Variants in RTN4RL1 observed in about 807,000 individuals in gnomAD.
RTN4RL1 encodes the protein reticulon-4 receptor-like 1.
A neutral mutation model predicts 25.6 loss-of-function variants in RTN4RL1; 7 were observed. The observed-to-expected ratio is 0.27, with a 90% confidence interval of 0.16 to 0.51. The LOEUF (loss-of-function observed/expected upper bound fraction) is 0.51. Ranked by LOEUF, RTN4RL1 falls within the 20% of genes least tolerant of loss-of-function variation. The pLI is 0.97. For synonymous variants in RTN4RL1, 297 were observed against 288.2 expected, an observed-to-expected ratio of 1.03 and a Z score of -0.31; for missense variants, 500 against 615.6, an observed-to-expected ratio of 0.81 and a Z score of 1.99.
chr17:1,943,813 C>T (rs529743175), intron 1 of RTN4RL1, among the ~76,000 whole-genome samples: 4 of 152,292 alleles, frequency 2.6e-5, no homozygotes, highest in Non-Finnish European at 2.9e-5. Flanking sequence ...GGGCTTCCCT[C>T]GTCCTATTGC....
intron 1 of RTN4RL1, among the ~76,000 whole-genome samples, chr17:2,023,190 T>A (rs1376514421): frequency 1.3e-5 from 2 of 152,196 alleles, no homozygotes; most frequent in African/African-American, 2.4e-5. Flanking sequence ...CTGGGAAGCC[T>A]TCTCGACCGG....
At chr17:1,999,751 C>T (rs2066948401) in intron 1 of RTN4RL1, among the ~76,000 whole-genome samples, 3 of 152,222 alleles carry the variant, frequency 2.0e-5, no homozygotes, top group African/African-American at 4.8e-5. Flanking sequence ...GCTGCAGCCT[C>T]CAGCCCTGCT....
At chr17:2,018,624 G>C (rs2067158423) in intron 1 of RTN4RL1, among the ~76,000 whole-genome samples, 1 of 152,220 alleles carries the variant, frequency 6.6e-6, no homozygotes, top group African/African-American at 2.4e-5. Flanking sequence ...CAGAGGTCCA[G>C]AGGGCAAGGG....
In RTN4RL1 at chr17:1,936,945, G is replaced by A. The variant is rs759805233; in HGVS notation, c.877C>T (p.Leu293=). The A allele has an allele frequency of 7.5e-6, 12 of 1,609,384 alleles. No homozygotes were observed. In the South Asian group the frequency reaches 1.1e-4, roughly 15 times the overall value. ...VSPGLRHGQD[L]KLLRAEDFRN... is the part of the protein sequence containing the mutation. ...AAGTCCTCGGCCCTCAGCAGCTTCA[G>A]GTCCTGGCCGTGCCGCAGCCCAGGG... is the stretch of plus-strand genomic sequence containing the variant. Residue 293 remains leucine, a synonymous_variant, in exon 2 of 2, where the codon CTG becomes TTG. Transcript: ENST00000331238.
In RTN4RL1 at chr17:1,994,723, C is replaced by A. The variant is rs896762724; in HGVS notation, c.13+30130G>T. 2.6e-5 allele frequency among the ~76,000 whole-genome samples: 4 copies of A among 152,130 alleles called. No homozygotes were observed. Among genetic ancestry groups the A allele is most frequent in the African/African-American group, 9.7e-5 (4 of 41,428 alleles). ...GGCTCTGCTGCCTCCCACCTCCAAG[C>A]CTCAGTTTCCTTCTCTAGGAAAGGG... On this transcript the variant is annotated intron_variant, in intron 1 of 1. Coordinates refer to ENST00000331238, the MANE Select transcript of RTN4RL1 (RefSeq NM_178568.4). This position sits in a 1 kb window ranked among gnomAD's most constrained non-coding sequence, Gnocchi z 4.3.
chr17:1,950,918 CTCTT>C (rs915822342), intron 1 of RTN4RL1, among the ~76,000 whole-genome samples: 9 of 144,678 alleles, frequency 6.2e-5, no homozygotes, highest in African/African-American at 1.0e-4. Context: ...CTCTCTGTCT[CTCTT>C]TCTCTGTGTG....
At chr17:2,013,369 G>C (rs1456778883) in intron 1 of RTN4RL1, among the ~76,000 whole-genome samples, 1 of 152,216 alleles carries the variant, frequency 6.6e-6, no homozygotes, top group African/African-American at 2.4e-5. Flanking sequence ...CACAGCCCTG[G>C]CTTTGACCAT....
At chr17:1,940,303 G>T (rs1915414851) in intron 1 of RTN4RL1, among the ~76,000 whole-genome samples, 1 of 152,198 alleles carries the variant, frequency 6.6e-6, no homozygotes, top group Non-Finnish European at 1.5e-5. Context: ...CTTCAGCGGT[G>T]GCGGTGGCAC....
At chr17:1,951,061 C>G (rs373031103) in intron 1 of RTN4RL1, among the ~76,000 whole-genome samples, 6 of 151,614 alleles carry the variant, frequency 4.0e-5, no homozygotes, top group East Asian at 2.0e-4. Context: ...GTCAGGAGAT[C>G]GAGACCATCC....
chr17:1,972,786 A>C (rs1349300784), intron 1 of RTN4RL1, among the ~76,000 whole-genome samples: 1 of 151,892 alleles, frequency 6.6e-6, no homozygotes, highest in Non-Finnish European at 1.5e-5. Context: ...CTGTTCACAG[A>C]CTCCTCCACA....
chr17:1,967,886 T>C (rs981905553), intron 1 of RTN4RL1, among the ~76,000 whole-genome samples: 4 of 152,060 alleles, frequency 2.6e-5, no homozygotes, highest in African/African-American at 7.2e-5. Flanking sequence ...GGTGATCCAC[T>C]CGCCTCAGCC....
At chr17:1,940,273 C>T (rs970380516) in intron 1 of RTN4RL1, among the ~76,000 whole-genome samples, 5 of 152,196 alleles carry the variant, frequency 3.3e-5, no homozygotes, top group Admixed American at 6.5e-5. Flanking sequence ...GGCTCGGTTG[C>T]GAATTCAGAG....
At chr17:1,966,847 G>C (rs184807623) in intron 1 of RTN4RL1, among the ~76,000 whole-genome samples, 31 of 152,260 alleles carry the variant, frequency 2.0e-4, no homozygotes, top group Admixed American at 1.9e-3. Flanking sequence ...TCCACTGAGG[G>C]CTTCCCAGCT....
chr17:1,937,636 C>T lies in RTN4RL1; in HGVS notation c.186G>A (p.Gln62=), dbSNP rs1915339480. ...GCTGGAGGAGGCCGATGCGGTTGTTCTGCAGGAAGACGCGCTCGCTGTCCA... is the reference window on the plus strand; with the variant it reads ...GCTGGAGGAGGCCGATGCGGTTGTTTTGCAGGAAGACGCGCTCGCTGTCCA... ...IPVDSERVFL[Q]NNRIGLLQPG... is the part of the protein sequence containing the mutation. Residue 62 remains glutamine, a synonymous_variant, in exon 2 of 2, where the codon CAG becomes CAA. Transcript: ENST00000331238. The T allele has an allele frequency of 1.9e-6, 3 of 1,613,836 alleles. No homozygotes were observed. Among genetic ancestry groups the T allele is most frequent in the Non-Finnish European group, 2.5e-6 (3 of 1,179,864 alleles).
chr17:2,025,037 G>T lies in RTN4RL1; in HGVS notation c.-172C>A. 1.8e-6 allele frequency: 1 copy of T among 549,558 alleles called. No homozygotes were observed. Among genetic ancestry groups the T allele is most frequent in the Non-Finnish European group, 2.9e-6 (1 of 340,060 alleles). 34.0% of individuals were successfully genotyped at this position (549,558 alleles called of 1,614,324 possible). On this transcript the variant is annotated 5_prime_UTR_variant, in exon 1 of 2. The change creates a new upstream start codon in the 5' untranslated region. Transcript: ENST00000331238. This position sits in a 1 kb window ranked among gnomAD's most constrained non-coding sequence, Gnocchi z 4.8. ...CCCCGCAGGGGCATGGTGAGCTCCAGCCCCGCGCCGAGGGCACCGGCGCCC... is the reference window on the plus strand; with the variant it reads ...CCCCGCAGGGGCATGGTGAGCTCCATCCCCGCGCCGAGGGCACCGGCGCCC...
intron 1 of RTN4RL1, among the ~76,000 whole-genome samples, chr17:1,990,194 T>C (rs1445032284): frequency 6.6e-6 from 1 of 152,040 alleles, no homozygotes; most frequent in East Asian, 1.9e-4. Context: ...ACCCCATCTC[T>C]GCTAAAAATA....
intron 1 of RTN4RL1, among the ~76,000 whole-genome samples, chr17:1,981,586 A>T (rs993335611): frequency 2.0e-5 from 3 of 152,094 alleles, no homozygotes; most frequent in African/African-American, 7.2e-5. Context: ...GTGTGCAGAT[A>T]GGCTGACCTG....
chr17:1,954,128 C>T (rs1915740091), intron 1 of RTN4RL1, among the ~76,000 whole-genome samples: 1 of 152,172 alleles, frequency 6.6e-6, no homozygotes, highest in African/African-American at 2.4e-5. Flanking sequence ...GGTAGTATGT[C>T]CTCTTTCTGT....
intron 1 of RTN4RL1, among the ~76,000 whole-genome samples, chr17:1,943,604 A>G (rs576942081): frequency 1.3e-5 from 2 of 152,098 alleles, no homozygotes; most frequent in African/African-American, 4.8e-5. Flanking sequence ...TGCTAACCCA[A>G]TGCTCTCTGC....
Sources: gnomAD v4.1 joint callset for allele counts (sites outside exome capture counted in the v4.1 genomes callset) on GRCh38, gnomAD v4.1.1 for gene constraint, Gnocchi (gnomAD v3.1) non-coding constraint, MANE v1.5 for transcripts, NCBI Gene and HGNC (gene_info 2026-07-23, HGNC 2026-07-21) for gene names.